Variants in ZNF808 observed in about 807,000 individuals in gnomAD.
ZNF808 encodes the protein zinc finger protein 808.
In ZNF808, 5 loss-of-function variants were observed where a neutral mutation model predicts 8.7. The observed-to-expected ratio is 0.58, with a 90% CI of 0.30 to 1.21. The LOEUF is 1.21. ZNF808 is among the 50% of genes most tolerant of loss of function. The pLI is 0.07. For missense variants in ZNF808, 1,103 were observed against 1,098.4 expected (o/e 1.00, Z -0.06); for synonymous variants, 380 against 366.0 (o/e 1.04, Z -0.44).
chr19:52,539,492 G>A (rs968983322), intron 2 of ZNF808, among the ~76,000 whole-genome samples: 1 of 144,242 alleles, frequency 6.9e-6, no homozygotes, highest in Non-Finnish European at 1.5e-5. Flanking sequence ...CTTGGCCTCA[G>A]TAATTGTTTT....
rs199558059 is a variant in ZNF808 at position 52,564,026 on chromosome 19, TCTC to T, written c.*1137_*1139del. 1,512 of 445,130 alleles carry T rather than the reference TCTC, an allele frequency of 3.4e-3. 10 individuals are homozygous for T. The African/African-American group carries it at 0.047, about 14-fold the overall frequency. The allele number at this position is 445,130 out of a possible 1,614,324, so 27.6% of individuals were successfully genotyped here. ...AAACAAACAAAAAGGTCTAGCCCCC[TCTC>T]CTCCTTTGTCTGCCATCATGGTGTG... is the stretch of plus-strand genomic sequence containing the variant. On this transcript the variant is annotated 3_prime_UTR_variant and NMD_transcript_variant, in exon 4 of 4. Transcript: ENST00000487863.
Position 52,555,322 on chromosome 19 carries a change from T to A in ZNF808, c.2406T>A (p.Arg802=). Residue 802 remains arginine, a synonymous_variant, in exon 5 of 5, where the codon CGT becomes CGA. Transcript: ENST00000359798. ...KCTVCDKAFV[R]NSYLARHIRI... is the part of the protein sequence containing the mutation. ...CGGTTTGTGACAAGGCTTTCGTGCGTAATTCATACCTGGCAAGACATATTA... is the reference window on the plus strand; with the variant it reads ...CGGTTTGTGACAAGGCTTTCGTGCGAAATTCATACCTGGCAAGACATATTA... 1 of 1,614,204 alleles carries A rather than the reference T, an allele frequency of 6.2e-7. No homozygotes were observed. The highest frequency in any genetic ancestry group is 1.3e-5 in the African/African-American group (1 of 75,042).
chr19:52,530,568 C>T (rs2059552492), intron 1 of ZNF808, among the ~76,000 whole-genome samples: 1 of 151,988 alleles, frequency 6.6e-6, no homozygotes, highest in Non-Finnish European at 1.5e-5. Context: ...GAGGCTGAGG[C>T]AGGAGAATTA....
chr19:52,550,296 T>C (rs1352042881), intron 4 of ZNF808, among the ~76,000 whole-genome samples: 1 of 151,396 alleles, frequency 6.6e-6, no homozygotes, highest in Admixed American at 6.6e-5. Flanking sequence ...AATTGCACAA[T>C]CTCAGTTCAC....
rs1165923920 is a variant in ZNF808 at position 52,535,346 on chromosome 19, AAAAAAAAAAG to A, written c.-20+2339_-20+2348del. Among the ~76,000 whole-genome samples the A allele has an allele frequency of 2.2e-3, 333 of 151,368 alleles. 1 individual carries two copies. Among genetic ancestry groups the A allele is most frequent in the Admixed American group, 4.4e-3 (67 of 15,204 alleles). ...ACTCCGTCTCAAAAAAAAAAAAAAA[AAAAAAAAAAG>A]AGAGAAAAGGAAAAGAGCGAGGGAG... On this transcript the variant is annotated intron_variant, in intron 2 of 4. Transcript: ENST00000359798.
chr19:52,560,476 C>G (rs553598851), downstream of ZNF808, among the ~76,000 whole-genome samples: 4 of 152,276 alleles, frequency 2.6e-5, no homozygotes, highest in East Asian at 7.7e-4. Flanking sequence ...CTCTACATTG[C>G]TGTACTCCTC....
chr19:52,547,745 T>TG, intron 4 of ZNF808, 107 bp downstream of exon 4: 1 of 1,501,556 alleles, frequency 6.7e-7, no homozygotes, highest in Non-Finnish European at 8.8e-7. Flanking sequence ...GCTGGTTTTT[T>TG]TTTTTTTTTT....
At chr19:52,542,964 G>C (rs2059686142) in intron 2 of ZNF808, among the ~76,000 whole-genome samples, 1 of 151,534 alleles carries the variant, frequency 6.6e-6, no homozygotes, top group South Asian at 2.1e-4. Context: ...TTTTTGGGGG[G>C]GGGGTGGAGG....
downstream of ZNF808, among the ~76,000 whole-genome samples, chr19:52,559,730 A>T (rs947288056): frequency 6.6e-6 from 1 of 151,664 alleles, no homozygotes; most frequent in African/African-American, 2.4e-5. Flanking sequence ...TGATTTTATT[A>T]TTTTTTTCTT....
At chr19:52,531,554 C>G in intron 1 of ZNF808, among the ~76,000 whole-genome samples, 1 of 142,826 alleles carries the variant, frequency 7.0e-6, no homozygotes. Context: ...CACGCATGAC[C>G]AAATTCTCTC....
At chr19:52,566,470 G>T (rs1342919207), downstream of ZNF808, among the ~76,000 whole-genome samples, 1 of 151,974 alleles carries the variant, frequency 6.6e-6, no homozygotes, top group Non-Finnish European at 1.5e-5. Context: ...TGGGCCAAAA[G>T]ATATATTTCT....
In ZNF808 at chr19:52,555,547, T is replaced by G; in HGVS notation, c.2631T>G (p.Cys877Trp). The change falls in exon 5 of 5, where the codon TGT (cysteine) becomes TGG (tryptophan). Residue 877 changes from cysteine (C) to tryptophan (W), a missense_variant. Coordinates refer to ENST00000359798, the MANE Select transcript of ZNF808 (RefSeq NM_001039886.4). ...ATACTGGAGAGAAACCTTACAAGTG[T>G]AATGAGTGTGGCAAAGCCTTTAGTG... Reference protein sequence around the residue: ...IIHTGEKPYKCNECGKAFSDR... With the variant: ...IIHTGEKPYKWNECGKAFSDR... The G allele has an allele frequency of 6.2e-7, 1 of 1,614,040 alleles. No homozygotes were observed.
chr19:52,541,016 A>G (rs1457864910), intron 2 of ZNF808, among the ~76,000 whole-genome samples: 1 of 152,084 alleles, frequency 6.6e-6, no homozygotes, highest in Non-Finnish European at 1.5e-5. Context: ...CAGTGGCATG[A>G]TCTCAGCTCA....
At chr19:52,548,507 C>G (rs1359752000) in intron 4 of ZNF808, among the ~76,000 whole-genome samples, 3 of 152,120 alleles carry the variant, frequency 2.0e-5, no homozygotes, top group Non-Finnish European at 4.4e-5. Context: ...ACCACAACCT[C>G]CACCTTTTGG....
Position 52,547,581 on chromosome 19 carries a change from C to G in ZNF808, c.133C>G (p.Gln45Glu). Reference sequence around the variant, plus strand: ...AGAGTGGAAATTCCTGAACCCTGCACAGAGGGCTTTGTACAGGGAAGTGAT... The same window carrying G: ...AGAGTGGAAATTCCTGAACCCTGCAGAGAGGGCTTTGTACAGGGAAGTGAT... ...LAEWKFLNPAQRALYREVMLE... is the reference protein window; with the variant it reads ...LAEWKFLNPAERALYREVMLE... Residue 45 changes from glutamine (Q) to glutamate (E), a missense_variant, in exon 4 of 5, where the codon CAG becomes GAG. Coordinates refer to ENST00000359798, the MANE Select transcript of ZNF808 (RefSeq NM_001039886.4). 1 of 1,614,078 alleles carries G rather than the reference C, an allele frequency of 6.2e-7. No homozygotes were observed.
intron 2 of ZNF808, among the ~76,000 whole-genome samples, chr19:52,533,620 G>A (rs1355654226): frequency 6.6e-6 from 1 of 151,514 alleles, no homozygotes; most frequent in African/African-American, 2.4e-5. Flanking sequence ...ACTTTGGGAG[G>A]CCAAGGCGGG....
rs761206388 is a variant in ZNF808 at position 52,554,320 on chromosome 19, A to G, written c.1404A>G (p.Ser468=). 6.2e-7 allele frequency: 1 copy of G among 1,614,190 alleles called. No individual in the cohort carries two copies. Among genetic ancestry groups the G allele is most frequent in the East Asian group, 2.2e-5 (1 of 44,872 alleles). ...GTGATACAGCTTTCACGTGTAATTC[A>G]CAGCTGGCACGACATAGAAGAATTC... The part of the protein sequence containing the change: ...KVCDTAFTCN[S]QLARHRRIHT... Residue 468 remains serine, a synonymous_variant, in exon 5 of 5, where the codon TCA becomes TCG. Transcript: ENST00000359798.
chr19:52,538,864 CAAATTT>C (rs2059640208), intron 2 of ZNF808, among the ~76,000 whole-genome samples: 1 of 152,154 alleles, frequency 6.6e-6, no homozygotes, highest in Admixed American at 6.5e-5. Flanking sequence ...TATAAGGTAA[CAAATTT>C]AAAATTAGTT....
rs1010897690 is a variant in ZNF808, at chr19:52,555,922, T to C, written c.*294T>C. On this transcript the variant is annotated 3_prime_UTR_variant, in exon 5 of 5. Coordinates refer to ENST00000359798, the MANE Select transcript of ZNF808 (RefSeq NM_001039886.4). ...GCCTTTACTTCACATTCACACCTCG[T>C]TGGACATCAGAGAATCCATACTGGA... The C allele has an allele frequency of 8.9e-6, 6 of 671,994 alleles. No individual in the cohort carries two copies. In the African/African-American group the frequency reaches 1.1e-4, roughly 12 times the overall value. 41.6% of individuals were successfully genotyped at this position (671,994 alleles called of 1,614,324 possible). A position where few individuals can be genotyped will look rare whatever the true frequency, so the allele number is the denominator to read the frequency against.
Sources: allele counts gnomAD v4.1 joint callset (sites outside exome capture counted in the v4.1 genomes callset), GRCh38; gene constraint gnomAD v4.1.1; transcripts MANE v1.5; gene names NCBI Gene and HGNC (gene_info 2026-07-23, HGNC 2026-07-21).